CTPS1: variants seen among roughly 807,000 people sequenced by gnomAD.
CTPS1 encodes CTP synthetase 1.
In CTPS1, 25 loss-of-function variants were observed where a neutral mutation model predicts 80.5. The observed-to-expected ratio is 0.31, with a 90% confidence interval of 0.23 to 0.43. CTPS1 has a LOEUF of 0.43. CTPS1 is among the 20% of genes least tolerant of loss of function. The pLI, the probability that CTPS1 is intolerant of heterozygous loss-of-function variation, is 1.00. For synonymous variants in CTPS1, 267 were observed against 252.5 expected (o/e 1.06, Z -0.54); for missense variants, 442 against 725.7 (o/e 0.61, Z 4.49).
intron 2 of CTPS1, 96 bp from the exon 3 acceptor site, chr1:40,984,725 C>A: frequency 1.0e-6 from 1 of 976,524 alleles, no homozygotes; most frequent in Non-Finnish European, 1.4e-6. Context: ...TACGTAATTG[C>A]ACACCTTGTT....
intron 7 of CTPS1, among the ~76,000 whole-genome samples, 194 bp downstream of exon 7, chr1:40,992,039 C>T (rs185783607): frequency 6.6e-5 from 10 of 152,278 alleles, no homozygotes; most frequent in South Asian, 6.2e-4. Context: ...GCCTCTTCTC[C>T]GTGCCTCGTT....
chr1:40,980,449 AT>A (rs1651828934), intron 1 of CTPS1: 1 of 152,242 alleles, frequency 6.6e-6, no homozygotes, highest in African/African-American at 2.4e-5. Flanking sequence ...CTGGCGGTGT[AT>A]AGAGCTCACC....
intron 3 of CTPS1, among the ~76,000 whole-genome samples, chr1:40,986,893 C>T (rs1462134523): frequency 2.0e-5 from 3 of 152,132 alleles, no homozygotes; most frequent in African/African-American, 7.2e-5. Context: ...ACATTCTGAC[C>T]CCGGGTGCTG....
At chr1:40,981,168 A>AAGTTG (rs1651875442) in intron 1 of CTPS1, 1 of 152,196 alleles carries the variant, frequency 6.6e-6, no homozygotes, top group Non-Finnish European at 1.5e-5. Flanking sequence ...GACTGCCAGA[A>AAGTTG]AGTTGAGATA....
chr1:41,012,175 A>C lies in CTPS1; in HGVS notation c.*527A>C, dbSNP rs1016135139. On this transcript the variant is annotated 3_prime_UTR_variant, in exon 19 of 19. Coordinates refer to ENST00000650070, the MANE Select transcript of CTPS1 (RefSeq NM_001905.4). The stretch of plus-strand genomic sequence containing the variant: ...GAGTTGGGGGGAATTCTCAGTGCCA[A>C]CTGTGGCTGGTCCTCATTCAAAGGG... 4 of 152,160 alleles carry C rather than the reference A, an allele frequency of 2.6e-5. No individual in the cohort carries two copies. The highest frequency in any genetic ancestry group is 6.5e-5 in the Admixed American group (1 of 15,274). 9.4% of individuals were successfully genotyped at this position (152,160 alleles called of 1,614,324 possible). A position where few individuals can be genotyped will look rare whatever the true frequency, so the allele number is the denominator to read the frequency against.
In CTPS1 at chr1:41,008,669, T is replaced by C; in HGVS notation, c.1404T>C (p.Tyr468=). The C allele has an allele frequency of 6.2e-7, 1 of 1,614,168 alleles. No individual in the cohort carries two copies. The highest frequency in any genetic ancestry group is 2.2e-5 in the East Asian group (1 of 44,884). Residue 468 remains tyrosine, a synonymous_variant, in exon 15 of 19, where the codon TAT becomes TAC. Transcript: ENST00000650070. ...QTKNSVMRKL[Y]GDADYLEERH... ...CGTTTGTTTTGCCAGGGAAACTCTATGGAGACGCAGACTACTTGGAAGAGA... is the reference window on the plus strand; with the variant it reads ...CGTTTGTTTTGCCAGGGAAACTCTACGGAGACGCAGACTACTTGGAAGAGA...
chr1:40,993,774 C>CTTTTTTTTTTTTTTTTTTTTTTT (rs71278720), intron 7 of CTPS1, among the ~76,000 whole-genome samples: 2 of 85,802 alleles, frequency 2.3e-5, no homozygotes, highest in African/African-American at 8.2e-5. Context: ...TTTCTTCTCT[C>CTTTTTTTTTTTTTTTTTTTTTTT]TTTTTTTTTT....
intron 1 of CTPS1, chr1:40,983,020 A>C (rs1642359131): frequency 3.5e-6 from 1 of 286,398 alleles, no homozygotes; most frequent in African/African-American, 2.2e-5. Flanking sequence ...ATTAGTTGTC[A>C]AAGCTTTAAA....
chr1:40,989,196 G>A (rs1194736344), intron 5 of CTPS1, among the ~76,000 whole-genome samples: 13 of 152,212 alleles, frequency 8.5e-5, no homozygotes, highest in Admixed American at 8.5e-4. Flanking sequence ...TACTGCTTCA[G>A]AAGACTCAGA....
intron 9 of CTPS1, 140 bp downstream of exon 9, chr1:40,997,666 T>C: frequency 9.1e-7 from 1 of 1,101,520 alleles, no homozygotes; most frequent in Non-Finnish European, 1.2e-6. Context: ...TTAAAAAGAT[T>C]TGTGGTTGCT....
At chr1:41,004,795 T>C (rs951401429) in intron 12 of CTPS1, among the ~76,000 whole-genome samples, 11 of 152,260 alleles carry the variant, frequency 7.2e-5, no homozygotes, top group Middle Eastern at 3.4e-3. Flanking sequence ...AAATAGTACT[T>C]GTTTATCTCA....
Position 40,982,031 on chromosome 1 carries a change from A to AT in CTPS1, c.-13-1243dup, listed in dbSNP as rs753760274. ...CTGCTACTTTCTAATTGTGTTTTTC[A>AT]TTTTGGTCACATTTGGGTTTGCTGA... On this transcript the variant is annotated intron_variant, in intron 1 of 18. Coordinates refer to ENST00000650070, the MANE Select transcript of CTPS1 (RefSeq NM_001905.4). 3.9e-6 allele frequency: 5 copies of AT among 1,287,878 alleles called. No homozygotes were observed. In the South Asian group the frequency reaches 6.2e-5, roughly 16 times the overall value. 79.8% of individuals were successfully genotyped at this position (1,287,878 alleles called of 1,614,324 possible). A position where few individuals can be genotyped will look rare whatever the true frequency, so the allele number is the denominator to read the frequency against.
chr1:40,986,280 A>G (rs1329212677), intron 3 of CTPS1, among the ~76,000 whole-genome samples: 1 of 152,270 alleles, frequency 6.6e-6, no homozygotes, highest in Non-Finnish European at 1.5e-5. Context: ...GAGGCCAGTC[A>G]CAGCGAGAGT....
intron 10 of CTPS1, chr1:41,001,561 TA>T (rs1317906730): frequency 6.2e-6 from 1 of 160,720 alleles, no homozygotes; most frequent in African/African-American, 2.4e-5. Flanking sequence ...AAGGCCCCCT[TA>T]GGGGAGCATT....
In CTPS1 at chr1:40,996,123, C is replaced by G; in HGVS notation, c.872+55C>G. 1.9e-6 allele frequency: 3 copies of G among 1,597,556 alleles called. No homozygotes were observed. In the South Asian group the frequency reaches 3.3e-5, roughly 18 times the overall value. Reference sequence around the variant, plus strand: ...TAGCCTCCTTTACTCTTTTGTAGGGCTGGTGAAGCCGACTCTAGCCCTAGC... The same window carrying G: ...TAGCCTCCTTTACTCTTTTGTAGGGGTGGTGAAGCCGACTCTAGCCCTAGC... On this transcript the variant is annotated intron_variant, in intron 8 of 18. Coordinates refer to ENST00000650070, the MANE Select transcript of CTPS1 (RefSeq NM_001905.4).
chr1:41,006,192 G>A (rs1247558098), intron 13 of CTPS1, 98 bp downstream of exon 13: 1 of 1,034,676 alleles, frequency 9.7e-7, no homozygotes, highest in Non-Finnish European at 1.5e-6. Context: ...GAGACTGCTT[G>A]AGTCCATCCC....
rs1444054521 is a variant in CTPS1 at position 41,006,106 on chromosome 1, G to A, written c.1296+12G>A. 1 of 1,610,658 alleles carries A rather than the reference G, an allele frequency of 6.2e-7. No homozygotes were observed. The highest frequency in any genetic ancestry group is 1.7e-5 in the Admixed American group (1 of 59,988). On this transcript the variant is annotated intron_variant, in intron 13 of 18. Transcript: ENST00000650070. ...CCAGTCATCCCGTGGTGAGTCAAGT[G>A]TTTGAACCTCCACAGGGCTTAGAAG...
At position 41,012,545 on chromosome 1, in the gene CTPS1, T is replaced by C. The variant is rs529079043; in HGVS notation, c.*897T>C. ...TGTGTACTCTAACTTAAGAAATAAA[T>C]CAGTAAGGCAGAACAAGAGACATGC... On this transcript the variant is annotated 3_prime_UTR_variant, in exon 19 of 19. Transcript: ENST00000650070. 22 of 152,270 alleles carry C rather than the reference T, an allele frequency of 1.4e-4. No homozygotes were observed. The highest frequency in any genetic ancestry group is 5.2e-4 in the Admixed American group (8 of 15,290). The allele number at this position is 152,270 out of a possible 1,614,324, so 9.4% of individuals were successfully genotyped here. A position where few individuals can be genotyped will look rare whatever the true frequency, so the allele number is the denominator to read the frequency against.
chr1:40,997,577 G>T, intron 9 of CTPS1, 51 bp downstream of exon 9: 2 of 1,592,400 alleles, frequency 1.3e-6, no homozygotes, highest in Non-Finnish European at 8.6e-7. Flanking sequence ...GAAGCAGTCT[G>T]TAGTCTCGTA....
Sources: allele counts gnomAD v4.1 joint callset (sites outside exome capture counted in the v4.1 genomes callset), GRCh38; gene constraint gnomAD v4.1.1; transcripts MANE v1.5; gene names NCBI Gene and HGNC (gene_info 2026-07-23, HGNC 2026-07-21).